Variants in DIAPH3 observed in about 807,000 individuals in gnomAD.
DIAPH3 encodes the protein diaphanous related formin 3, also known as protein diaphanous homolog 3.
In DIAPH3, 117 loss-of-function variants were observed where a neutral mutation model predicts 144.3. The ratio of observed to expected loss-of-function variants is 0.81; its 90% confidence interval spans 0.70 to 0.95. The LOEUF (loss-of-function observed/expected upper bound fraction) is 0.95, where lower values mean the gene tolerates loss of function less well. Among genes scored for constraint, DIAPH3 ranks in the 40% least tolerant of loss-of-function variants. The probability of loss-of-function intolerance (pLI) is 0.00; values close to 1 mark genes in which losing one functional copy is unlikely to be tolerated. For missense variants in DIAPH3, 1,421 were observed against 1,412.7 expected (o/e 1.01, Z -0.09); for synonymous variants, 519 against 488.9 (o/e 1.06, Z -0.81).
intron 11 of DIAPH3, among the ~76,000 whole-genome samples, chr13:59,991,849 A>T (rs895292452): frequency 2.6e-5 from 4 of 152,102 alleles, no homozygotes; most frequent in Middle Eastern, 3.4e-3. Flanking sequence ...CATATAAGAA[A>T]CCAATCTACA....
intron 22 of DIAPH3, among the ~76,000 whole-genome samples, chr13:59,840,463 TG>T (rs945519051): frequency 5.3e-5 from 8 of 151,966 alleles, no homozygotes; most frequent in East Asian, 1.9e-4. Flanking sequence ...GAAACTGAGT[TG>T]TTTTTTTTTT....
At chr13:60,157,108 C>T (rs770153877) in intron 1 of DIAPH3, among the ~76,000 whole-genome samples, 1 of 151,384 alleles carries the variant, frequency 6.6e-6, no homozygotes, top group Non-Finnish European at 1.5e-5. Flanking sequence ...CCACGTCTGG[C>T]TAATTTTGGT....
At chr13:59,669,351 C>T (rs2032219640) in intron 27 of DIAPH3, among the ~76,000 whole-genome samples, 1 of 152,168 alleles carries the variant, frequency 6.6e-6, no homozygotes, top group Non-Finnish European at 1.5e-5. Context: ...TTCTCCCAGA[C>T]AACTGCTCCA....
chr13:60,041,262 C>A (rs1349140296), intron 5 of DIAPH3, among the ~76,000 whole-genome samples: 1 of 152,130 alleles, frequency 6.6e-6, no homozygotes, highest in African/African-American at 2.4e-5. Context: ...CAAGGTAAGA[C>A]TAAAGAAGGC....
intron 27 of DIAPH3, among the ~76,000 whole-genome samples, chr13:59,767,532 G>C (rs1257904714): frequency 6.6e-6 from 1 of 151,644 alleles, no homozygotes; most frequent in African/African-American, 2.4e-5. Context: ...CAAAAGTACA[G>C]AGTTCAAGGA....
rs551715912 is a variant in DIAPH3, at chr13:60,035,096, T to C, written c.626+7594A>G. 5.9e-5 allele frequency among the ~76,000 whole-genome samples: 9 copies of C among 152,296 alleles called. No individual in the cohort carries two copies. In the South Asian group the frequency reaches 1.2e-3, roughly 21 times the overall value. On this transcript the variant is annotated intron_variant, in intron 5 of 27. Transcript: ENST00000400324. ...TATATATGTACAGCATATATAGATA[T>C]AGATATAACTTTAAAAAATAGATTT...
At chr13:59,963,386 C>G (rs182080549) in intron 17 of DIAPH3, among the ~76,000 whole-genome samples, 6 of 152,070 alleles carry the variant, frequency 3.9e-5, no homozygotes, top group Non-Finnish European at 4.4e-5. Flanking sequence ...TAAGAATATA[C>G]TATACTGTTT....
At chr13:59,832,671 A>G (rs2041837649) in intron 24 of DIAPH3, among the ~76,000 whole-genome samples, 1 of 151,778 alleles carries the variant, frequency 6.6e-6, no homozygotes, top group Non-Finnish European at 1.5e-5. Context: ...CGAATGTAAA[A>G]CCTATTCAAA....
At chr13:59,943,399 C>T (rs1236583179) in intron 17 of DIAPH3, among the ~76,000 whole-genome samples, 4 of 152,138 alleles carry the variant, frequency 2.6e-5, no homozygotes, top group East Asian at 3.8e-4. Flanking sequence ...TGGGGAAGGA[C>T]GAACACAGAC....
chr13:59,685,744 G>A (rs1280304864), intron 27 of DIAPH3, among the ~76,000 whole-genome samples: 1 of 152,096 alleles, frequency 6.6e-6, no homozygotes, highest in Admixed American at 6.6e-5. Flanking sequence ...ATCACTGTTG[G>A]TTGTGTAGAA....
chr13:60,144,272 C>A (rs1337045454), intron 1 of DIAPH3, among the ~76,000 whole-genome samples: 2 of 152,104 alleles, frequency 1.3e-5, no homozygotes, highest in Non-Finnish European at 2.9e-5. Flanking sequence ...ATGGAGCCTG[C>A]CATGGATAAT....
chr13:59,676,419 C>T (rs1184112666), intron 27 of DIAPH3, among the ~76,000 whole-genome samples: 2 of 152,202 alleles, frequency 1.3e-5, no homozygotes, highest in Non-Finnish European at 1.5e-5. Context: ...TCCTCTTCCA[C>T]CCACCAGCCC....
At chr13:59,880,563 C>G (rs949630141) in intron 20 of DIAPH3, among the ~76,000 whole-genome samples, 3 of 152,040 alleles carry the variant, frequency 2.0e-5, no homozygotes, top group African/African-American at 7.2e-5. Flanking sequence ...AGAAAGCTAT[C>G]AGCTCATAAT....
At chr13:59,714,305 A>G (rs1424633339) in intron 27 of DIAPH3, among the ~76,000 whole-genome samples, 1 of 143,418 alleles carries the variant, frequency 7.0e-6, no homozygotes, top group African/African-American at 2.6e-5. Context: ...GCTTGCAGTG[A>G]GCCGAGATCC....
chr13:60,131,435 C>CAAAAAAAAAAAAAAAAAAAAAAAAAAAA (rs777909368), intron 2 of DIAPH3, among the ~76,000 whole-genome samples: 1 of 29,306 alleles, frequency 3.4e-5, no homozygotes, highest in African/African-American at 9.2e-5. Flanking sequence ...GACCCTGTCT[C>CAAAAAAAAAAAAAAAAAAAAAAAAAAAA]AAAAAAAAAA....
chr13:60,006,069 AG>A (rs1489918474), intron 9 of DIAPH3, among the ~76,000 whole-genome samples: 1 of 152,184 alleles, frequency 6.6e-6, no homozygotes, highest in Non-Finnish European at 1.5e-5. Flanking sequence ...TACCTATAAA[AG>A]AAATTACTTA....
intron 4 of DIAPH3, among the ~76,000 whole-genome samples, chr13:60,058,668 A>G (rs1167881731): frequency 6.6e-6 from 1 of 151,954 alleles, no homozygotes; most frequent in Non-Finnish European, 1.5e-5. Flanking sequence ...TGGTGTGTAC[A>G]CATGTGTATG....
At chr13:59,969,097 A>G (rs947170202) in intron 17 of DIAPH3, among the ~76,000 whole-genome samples, 8 of 152,224 alleles carry the variant, frequency 5.3e-5, no homozygotes, top group Non-Finnish European at 1.0e-4. Context: ...ATACTTAAAA[A>G]TTCTGTGTGG....
chr13:59,820,409 T>G (rs1056837876), intron 24 of DIAPH3, among the ~76,000 whole-genome samples: 2 of 151,992 alleles, frequency 1.3e-5, no homozygotes, highest in African/African-American at 4.8e-5. Context: ...TACATATATA[T>G]GCACATTGTT....
Sources: gnomAD v4.1 joint callset for allele counts (sites outside exome capture counted in the v4.1 genomes callset) on GRCh38, gnomAD v4.1.1 for gene constraint, MANE v1.5 for transcripts, NCBI Gene and HGNC (gene_info 2026-07-23, HGNC 2026-07-21) for gene names.